The following RNASE10 variants were observed in gnomAD, a reference collection of about 807,000 sequenced individuals.
RNASE10 encodes inactive ribonuclease-like protein 10.
A neutral mutation model predicts 1.1 loss-of-function variants in RNASE10; 2 were observed. The ratio of observed to expected loss-of-function variants is 1.82; its 90% CI spans 0.74 to 5.73. The LOEUF is 5.73. RNASE10 is among the 30% of genes most tolerant of loss of function. The probability of loss-of-function intolerance (pLI) is 0.05; values close to 1 mark genes in which losing one functional copy is unlikely to be tolerated. For missense variants in RNASE10, 276 were observed against 263.4 expected (o/e 1.05, Z -0.33); for synonymous variants, 97 against 96.2 (o/e 1.01, Z -0.05).
intron 1 of RNASE10, among the ~76,000 whole-genome samples, chr14:20,508,432 C>T (rs1447644159): frequency 6.6e-6 from 1 of 152,300 alleles, no homozygotes; most frequent in Non-Finnish European, 1.5e-5. Flanking sequence ...GGATGTGAAC[C>T]ATCCCTTTGT....
chr14:20,510,882 G>C (rs1027222741), exon 2 of RNASE10: 7 of 1,613,962 alleles, frequency 4.3e-6, no homozygotes, highest in Non-Finnish European at 5.1e-6. Flanking sequence ...GCATAGCCCA[G>C]TATGCATTCA....
exon 2 of RNASE10, chr14:20,510,995 T>G (rs1882885562): frequency 6.2e-7 from 1 of 1,600,208 alleles, no homozygotes; most frequent in Non-Finnish European, 8.5e-7. Context: ...CCTTTTGATT[T>G]GACATTGTGC....
chr14:20,504,546 G>A (rs914690628), upstream of RNASE10, among the ~76,000 whole-genome samples: 2 of 151,070 alleles, frequency 1.3e-5, no homozygotes, highest in African/African-American at 2.4e-5. Flanking sequence ...AAATTAGCCG[G>A]GCGCGGTGGC....
intron 1 of RNASE10, among the ~76,000 whole-genome samples, chr14:20,506,461 G>C (rs1369178582): frequency 3.9e-5 from 5 of 128,106 alleles, no homozygotes; most frequent in Non-Finnish European, 6.8e-5. Flanking sequence ...CCCCCTGCCC[G>C]GCCAGCCGCC....
intron 1 of RNASE10, among the ~76,000 whole-genome samples, chr14:20,508,481 C>G (rs1882809280): frequency 6.6e-6 from 1 of 152,214 alleles, no homozygotes; most frequent in East Asian, 1.9e-4. Context: ...CACCCATTAG[C>G]TACTTAGTGG....
chr14:20,510,562 A>G (rs79798350), exon 2 of RNASE10: 45,802 of 1,614,094 alleles, frequency 0.028, 987 homozygotes, highest in African/African-American at 0.097. Flanking sequence ...TCATATGGCT[A>G]CAGCAGTCTT....
At chr14:20,506,833 T>C (rs865914243) in intron 1 of RNASE10, among the ~76,000 whole-genome samples, 62 of 57,138 alleles carry the variant, frequency 1.1e-3, no homozygotes, top group East Asian at 2.5e-3. Context: ...GCCCCCCGCC[T>C]GGCCAGCCGC....
rs1283636711 is a variant in RNASE10, at chr14:20,510,448, T to C, written c.80-19T>C. Reference sequence around the variant, plus strand: ...TTGATCTCAAAGTCACGTTCTTCCATTTCCCGCTTCCTCTCCAGGCAAAAT... The same window carrying C: ...TTGATCTCAAAGTCACGTTCTTCCACTTCCCGCTTCCTCTCCAGGCAAAAT... On this transcript the variant is annotated intron_variant, in intron 1 of 1. Transcript: ENST00000430083. 6.3e-7 allele frequency: 1 copy of C among 1,593,516 alleles called. No homozygotes were observed. Among genetic ancestry groups the C allele is most frequent in the Non-Finnish European group, 8.5e-7 (1 of 1,171,754 alleles).
At chr14:20,504,348 A>T (rs1454079264), upstream of RNASE10, among the ~76,000 whole-genome samples, 1 of 152,208 alleles carries the variant, frequency 6.6e-6, no homozygotes, top group Non-Finnish European at 1.5e-5. Flanking sequence ...TTATGCATGT[A>T]CGTAAGTCAC....
chr14:20,510,958 G>A, exon 2 of RNASE10: 2 of 1,606,390 alleles, frequency 1.2e-6, no homozygotes, highest in Non-Finnish European at 1.7e-6. Context: ...TGAGCTCAAG[G>A]GGGGAAAATG....
At chr14:20,512,056 A>G (rs1882911869), downstream of RNASE10, among the ~76,000 whole-genome samples, 1 of 152,202 alleles carries the variant, frequency 6.6e-6, no homozygotes, top group South Asian at 2.1e-4. Flanking sequence ...AGAGAGAGGA[A>G]AAGAGAGAAA....
chr14:20,506,460 C>G (rs1203659183), intron 1 of RNASE10, among the ~76,000 whole-genome samples: 1 of 129,790 alleles, frequency 7.7e-6, no homozygotes, highest in Non-Finnish European at 1.7e-5. Context: ...GCCCCCTGCC[C>G]GGCCAGCCGC....
chr14:20,510,902 A>C (rs751088401), exon 2 of RNASE10: 2 of 1,614,064 alleles, frequency 1.2e-6, no homozygotes, highest in South Asian at 1.1e-5. Flanking sequence ...ATCCATGAGG[A>C]TCTAAACACA....
At chr14:20,507,132 G>A (rs1311548924) in intron 1 of RNASE10, among the ~76,000 whole-genome samples, 1 of 148,626 alleles carries the variant, frequency 6.7e-6, no homozygotes, top group Non-Finnish European at 1.5e-5. Flanking sequence ...GCTCATTGGG[G>A]ATGGGCCATG....
chr14:20,511,202 T>C, downstream of RNASE10: 1 of 1,125,348 alleles, frequency 8.9e-7, no homozygotes, highest in Non-Finnish European at 1.2e-6. Context: ...ATAGTTCTCC[T>C]GATCTTAGGT....
At chr14:20,506,951 C>T (rs1882750583) in intron 1 of RNASE10, among the ~76,000 whole-genome samples, 1 of 142,104 alleles carries the variant, frequency 7.0e-6, no homozygotes, top group African/African-American at 2.8e-5. Flanking sequence ...GGGGGGTCAG[C>T]CCCCCGCCCG....
chr14:20,513,849 T>A (rs1325855276), downstream of RNASE10, among the ~76,000 whole-genome samples: 1 of 152,246 alleles, frequency 6.6e-6, no homozygotes, highest in African/African-American at 2.4e-5. Flanking sequence ...ACTATTTAAT[T>A]AGCCTTAATT....
intron 1 of RNASE10, among the ~76,000 whole-genome samples, chr14:20,509,990 G>C (rs1594441645): frequency 6.7e-6 from 1 of 150,312 alleles, no homozygotes; most frequent in Non-Finnish European, 1.5e-5. Context: ...ATGGTAGTGT[G>C]TGCCTGTGAT....
intron 1 of RNASE10, among the ~76,000 whole-genome samples, chr14:20,507,265 A>G (rs1170078659): frequency 2.2e-5 from 3 of 138,894 alleles, no homozygotes; most frequent in African/African-American, 5.7e-5. Flanking sequence ...TTTGTTCTGT[A>G]CTAAGAAAAA....
Sources: gnomAD v4.1 joint callset for allele counts (sites outside exome capture counted in the v4.1 genomes callset) on GRCh38, gnomAD v4.1.1 for gene constraint, MANE v1.5 for transcripts, NCBI Gene and HGNC (gene_info 2026-07-23, HGNC 2026-07-21) for gene names.